The following SOCS6 variants were observed in gnomAD, a reference collection of about 807,000 sequenced individuals.
SOCS6 encodes the protein suppressor of cytokine signaling 6.
Under a neutral mutation model 27.7 loss-of-function variants are expected in SOCS6, and 5 were observed. The observed-to-expected ratio is 0.18, with a 90% CI of 0.09 to 0.38. SOCS6 has a LOEUF of 0.38. SOCS6 is among the 10% of genes least tolerant of loss of function. The probability of loss-of-function intolerance (pLI) is 1.00; values close to 1 mark genes in which losing one functional copy is unlikely to be tolerated. For missense variants in SOCS6, 595 were observed against 688.1 expected (o/e 0.86, Z 1.51); for synonymous variants, 271 against 260.0 (o/e 1.04, Z -0.41).
At position 70,325,799 on chromosome 18, in the gene SOCS6, A is replaced by G; in HGVS notation, c.1131A>G (p.Lys377=). 1 of 1,614,254 alleles carries G rather than the reference A, an allele frequency of 6.2e-7. No homozygotes were observed. Among genetic ancestry groups the G allele is most frequent in the Non-Finnish European group, 8.5e-7 (1 of 1,180,046 alleles). Residue 377 remains lysine, a synonymous_variant, in exon 2 of 2, where the codon AAA becomes AAG. Transcript: ENST00000397942. The surrounding 1 kb of genome is among the most constrained non-coding windows in gnomAD (Gnocchi z 6.3). ...MVVTSLTEEL[K]KLAKQGWYWG... The stretch of plus-strand genomic sequence containing the variant: ...TGACAAGCCTTACAGAGGAGCTGAA[A>G]AAACTTGCAAAGCAAGGATGGTACT...
In SOCS6 at chr18:70,313,126, G is replaced by C. The variant is rs533985769; in HGVS notation, c.-126-11417G>C. Among the ~76,000 whole-genome samples the C allele has an allele frequency of 5.0e-4, 76 of 152,188 alleles. 1 individual carries two copies. In the South Asian group the frequency reaches 0.015, roughly 30 times the overall value. ...TGAATTGAGAATATTTTAGGTTATT[G>C]ATTGGCCGCTTGAATTTGTGTTCTC... On this transcript the variant is annotated intron_variant, in intron 1 of 1. Transcript: ENST00000397942.
At chr18:70,322,854 C>T (rs976282622) in intron 1 of SOCS6, among the ~76,000 whole-genome samples, 7 of 152,152 alleles carry the variant, frequency 4.6e-5, no homozygotes, top group African/African-American at 1.7e-4. Flanking sequence ...GCACACCACC[C>T]GAATCCTATC....
At chr18:70,289,450 G>C (rs2062288362) in intron 1 of SOCS6, among the ~76,000 whole-genome samples, 1 of 147,360 alleles carries the variant, frequency 6.8e-6, no homozygotes, top group Admixed American at 6.7e-5. Context: ...CGGCCTCTTC[G>C]GCCGCGGCGC....
chr18:70,316,115 G>T (rs1004177627), intron 1 of SOCS6, among the ~76,000 whole-genome samples: 1 of 152,152 alleles, frequency 6.6e-6, no homozygotes. Context: ...CTCCCAAAGT[G>T]CTGGGATTAC....
At chr18:70,314,241 G>A (rs1461188011) in intron 1 of SOCS6, 7 of 152,096 alleles carry the variant, frequency 4.6e-5, no homozygotes, top group Non-Finnish European at 8.8e-5. Context: ...GGGCGACAGA[G>A]TGAGACCCCA....
chr18:70,305,360 T>C (rs2062365026), intron 1 of SOCS6, among the ~76,000 whole-genome samples: 1 of 152,266 alleles, frequency 6.6e-6, no homozygotes, highest in Admixed American at 6.5e-5. Context: ...AAGAAGACTT[T>C]CCTCATTGAC....
intron 1 of SOCS6, among the ~76,000 whole-genome samples, chr18:70,317,499 T>C (rs1600164121): frequency 7.1e-6 from 1 of 141,350 alleles, no homozygotes; most frequent in African/African-American, 2.8e-5. Context: ...TATACACATA[T>C]ATACATACAT....
intron 1 of SOCS6, among the ~76,000 whole-genome samples, chr18:70,313,643 T>C (rs774717735): frequency 2.3e-4 from 35 of 152,202 alleles, no homozygotes; most frequent in Admixed American, 6.5e-4. Context: ...CACCTATCCC[T>C]GGTGGTCTTA....
chr18:70,313,461 G>A (rs1481719351), intron 1 of SOCS6, among the ~76,000 whole-genome samples: 1 of 151,260 alleles, frequency 6.6e-6, no homozygotes, highest in East Asian at 1.9e-4. Context: ...CTTCTGCAGT[G>A]CAAGCCTTCT....
At position 70,325,687 on chromosome 18, in the gene SOCS6, T is replaced by C. The variant is rs759373544; in HGVS notation, c.1019T>C (p.Met340Thr). The C allele has an allele frequency of 1.2e-5, 20 of 1,614,212 alleles. No individual in the cohort carries two copies. The South Asian group carries it at 2.0e-4, about 16-fold the overall frequency. Reference sequence around the variant, plus strand: ...ACAGAAGCCCACGTGGCTGAAAGTATGCGCTGTCATTTGAATTTTGATCCG... The same window carrying C: ...ACAGAAGCCCACGTGGCTGAAAGTACGCGCTGTCATTTGAATTTTGATCCG... ...TGTEAHVAES[M>T]RCHLNFDPNS... is the part of the protein sequence containing the mutation. The change falls in exon 2 of 2, where the codon ATG (methionine) becomes ACG (threonine). Residue 340 changes from methionine to threonine, a missense_variant. Met to Thr is a moderately conservative substitution (Grantham distance 81). Coordinates refer to ENST00000397942, the MANE Select transcript of SOCS6 (RefSeq NM_004232.4). The surrounding 1 kb of genome is among the most constrained non-coding windows in gnomAD (Gnocchi z 6.3).
rs149452407 is a variant in SOCS6 at position 70,328,455 on chromosome 18, A to T, written c.*2179A>T. On this transcript the variant is annotated 3_prime_UTR_variant, in exon 2 of 2. Transcript: ENST00000397942. ...ATTCCCTTCGTTTTCTCATCATGCC[A>T]TGTGTTTAAGATCTACCCGCTTAGT... 6.0e-6 allele frequency: 1 copy of T among 166,484 alleles called. No individual in the cohort carries two copies. Among genetic ancestry groups the T allele is most frequent in the Non-Finnish European group, 1.5e-5 (1 of 68,062 alleles). 10.3% of individuals were successfully genotyped at this position (166,484 alleles called of 1,614,324 possible).
At chr18:70,296,906 C>CTTTTTTTTTTTTTTTTTTTTTTTT (rs375704179) in intron 1 of SOCS6, among the ~76,000 whole-genome samples, 4 of 129,170 alleles carry the variant, frequency 3.1e-5, no homozygotes, top group East Asian at 4.5e-4. Context: ...CATTTTCTTT[C>CTTTTTTTTTTTTTTTTTTTTTTTT]TTTTTTTTTT....
intron 1 of SOCS6, among the ~76,000 whole-genome samples, chr18:70,323,631 T>A (rs1486127752): frequency 6.6e-6 from 1 of 152,186 alleles, no homozygotes. Flanking sequence ...TCCTCCTCTG[T>A]GCATTGGGAA....
chr18:70,300,211 C>T (rs984606360), intron 1 of SOCS6, among the ~76,000 whole-genome samples: 1 of 152,094 alleles, frequency 6.6e-6, no homozygotes, highest in African/African-American at 2.4e-5. Context: ...ACTGCAACCT[C>T]TGTCTCCTGG....
At chr18:70,302,430 A>T (rs891072899) in intron 1 of SOCS6, among the ~76,000 whole-genome samples, 1 of 152,198 alleles carries the variant, frequency 6.6e-6, no homozygotes, top group African/African-American at 2.4e-5. Context: ...TTTGATTTCC[A>T]GACAGCATTA....
At chr18:70,294,968 G>A (rs2062317009) in intron 1 of SOCS6, among the ~76,000 whole-genome samples, 1 of 152,156 alleles carries the variant, frequency 6.6e-6, no homozygotes, top group South Asian at 2.1e-4. Flanking sequence ...CATAGCATCG[G>A]ACTCTTGAGT....
Position 70,324,858 on chromosome 18 carries a change from G to A in SOCS6, c.190G>A (p.Gly64Arg), listed in dbSNP as rs1911128809. The change falls in exon 2 of 2, where the codon GGA becomes AGA. Residue 64 changes from glycine to arginine, a missense_variant. Gly to Arg is a moderately radical substitution (Grantham distance 125, BLOSUM62 -2). Around this residue, in one of 2 missense-constraint regions of SOCS6, gnomAD observed 467 missense variants for 481.1 expected, o/e 0.97. Coordinates refer to ENST00000397942, the MANE Select transcript of SOCS6 (RefSeq NM_004232.4). Reference protein sequence around the residue: ...CDINGEDEKGGKNRSKSESLM... With the variant: ...CDINGEDEKGRKNRSKSESLM... The stretch of plus-strand genomic sequence containing the variant: ...TATCAACGGTGAAGATGAAAAAGGC[G>A]GAAAAAACAGATCAAAAAGCGAGAG... The A allele has an allele frequency of 1.2e-6, 2 of 1,613,988 alleles. No individual in the cohort carries two copies. Among genetic ancestry groups the A allele is most frequent in the African/African-American group, 1.3e-5 (1 of 74,882 alleles).
intron 1 of SOCS6, among the ~76,000 whole-genome samples, chr18:70,320,496 G>A (rs752369415): frequency 1.3e-5 from 2 of 152,110 alleles, no homozygotes; most frequent in Non-Finnish European, 2.9e-5. Flanking sequence ...AGTCCCCTAT[G>A]CACAGTTTCA....
intron 1 of SOCS6, chr18:70,314,174 T>G (rs139179846): frequency 0.01 from 1,546 of 152,320 alleles, 18 homozygotes; most frequent in Middle Eastern, 0.02. Context: ...GAGAATCGCT[T>G]GAACCCGGGA....
Sources: gnomAD v4.1 joint callset for allele counts (sites outside exome capture counted in the v4.1 genomes callset) on GRCh38, gnomAD v4.1.1 for gene constraint, gnomAD v4.1.1 regional missense constraint, Gnocchi (gnomAD v3.1) non-coding constraint, MANE v1.5 for transcripts, NCBI Gene and HGNC (gene_info 2026-07-23, HGNC 2026-07-21) for gene names.